KHDRBS2: variants seen among roughly 807,000 people sequenced by gnomAD.
KHDRBS2 encodes KH domain-containing, RNA-binding, signal transduction-associated protein 2.
Under a neutral mutation model 44.3 loss-of-function variants are expected in KHDRBS2, and 26 were observed. The ratio of observed to expected loss-of-function variants is 0.59; its 90% CI spans 0.43 to 0.81. KHDRBS2 has a LOEUF of 0.81. KHDRBS2 is among the 40% of genes least tolerant of loss of function. KHDRBS2 has a pLI of 0.00. For synonymous variants in KHDRBS2, 194 were observed against 151.1 expected (o/e 1.28, Z -2.08); for missense variants, 476 against 433.1 (o/e 1.10, Z -0.88).
chr6:62,169,365 A>G (rs1819548219), intron 2 of KHDRBS2, among the ~76,000 whole-genome samples: 1 of 151,728 alleles, frequency 6.6e-6, no homozygotes, highest in South Asian at 2.1e-4. Flanking sequence ...ATATTGACAA[A>G]TGTTGCCTTT....
the KHDRBS2 span, among the ~76,000 whole-genome samples, chr6:61,616,497 AT>A: frequency 1.4e-5 from 2 of 140,148 alleles, no homozygotes; most frequent in South Asian, 2.2e-4. Context: ...ATATATATAT[AT>A]AATGCTATTG....
At chr6:61,741,730 G>C (rs1776165454) in intron 6 of KHDRBS2, among the ~76,000 whole-genome samples, 1 of 151,904 alleles carries the variant, frequency 6.6e-6, no homozygotes, top group East Asian at 1.9e-4. Context: ...CTGTGAAATT[G>C]ACATGTTTTT....
chr6:62,018,458 C>G (rs1781649448), intron 3 of KHDRBS2, among the ~76,000 whole-genome samples: 1 of 152,070 alleles, frequency 6.6e-6, no homozygotes, highest in South Asian at 2.1e-4. Context: ...CGCCATTCTC[C>G]TGTCTCAGCC....
At chr6:61,546,437 A>G in the KHDRBS2 span, among the ~76,000 whole-genome samples, 1 of 152,070 alleles carries the variant, frequency 6.6e-6, no homozygotes, top group African/African-American at 2.4e-5. Context: ...GTTCTTGGAA[A>G]CTGTGACTTC....
At chr6:62,114,352 G>A (rs1289684077) in intron 2 of KHDRBS2, among the ~76,000 whole-genome samples, 1 of 152,084 alleles carries the variant, frequency 6.6e-6, no homozygotes, top group Non-Finnish European at 1.5e-5. Context: ...TGTGAGTTGT[G>A]ACCTGAGTAA....
chr6:61,771,674 C>T (rs537455819), intron 6 of KHDRBS2, among the ~76,000 whole-genome samples: 1 of 152,254 alleles, frequency 6.6e-6, no homozygotes, highest in East Asian at 1.9e-4. Context: ...CAGGAGCACC[C>T]AGATTCATAA....
chr6:61,936,999 A>G (rs1467108755), intron 4 of KHDRBS2, among the ~76,000 whole-genome samples: 1 of 151,964 alleles, frequency 6.6e-6, no homozygotes, highest in Non-Finnish European at 1.5e-5. Flanking sequence ...TTTTTTATAA[A>G]ATATGTTTTC....
chr6:61,925,619 G>A (rs1808807867), intron 4 of KHDRBS2, among the ~76,000 whole-genome samples: 1 of 151,894 alleles, frequency 6.6e-6, no homozygotes, highest in African/African-American at 2.4e-5. Flanking sequence ...CTTCTAGGGA[G>A]GCTGAAGTGG....
At chr6:61,954,374 T>TA (rs1765512183) in intron 4 of KHDRBS2, among the ~76,000 whole-genome samples, 3 of 56,336 alleles carry the variant, frequency 5.3e-5, no homozygotes, top group African/African-American at 8.8e-5. Flanking sequence ...TATATACGTA[T>TA]GTATGCATGC....
chr6:62,065,914 A>G (rs1432967097), intron 2 of KHDRBS2, among the ~76,000 whole-genome samples: 1 of 151,786 alleles, frequency 6.6e-6, no homozygotes, highest in Non-Finnish European at 1.5e-5. Context: ...TCTGCTATAA[A>G]TAATTATTTA....
the KHDRBS2 span, among the ~76,000 whole-genome samples, chr6:61,569,281 C>T: frequency 6.6e-6 from 1 of 152,162 alleles, no homozygotes; most frequent in Admixed American, 6.5e-5. Flanking sequence ...TAATCTTGAC[C>T]CCAGCTGATG....
At position 62,239,676 on chromosome 6, in the gene KHDRBS2, C is replaced by CTATT. The variant is rs929489438; in HGVS notation, c.91+46178_91+46181dup. Among the ~76,000 whole-genome samples, 760 of 151,986 alleles carry CTATT rather than the reference C, an allele frequency of 5.0e-3. 14 individuals carry two copies. In the South Asian group the frequency reaches 0.062, roughly 12 times the overall value. ...AGATGACAGGTGTATATTTCTTAAA[C>CTATT]TATTTATTTATTTATTTATTTATTT... On this transcript the variant is annotated intron_variant, in intron 1 of 8. Transcript: ENST00000281156.
chr6:61,651,878 A>C, the KHDRBS2 span, among the ~76,000 whole-genome samples: 2 of 152,144 alleles, frequency 1.3e-5, no homozygotes, highest in East Asian at 3.9e-4. Flanking sequence ...AGGAATGCCC[A>C]ATTAGCTTTT....
At chr6:61,966,232 T>G (rs1337973004) in intron 4 of KHDRBS2, among the ~76,000 whole-genome samples, 2 of 152,078 alleles carry the variant, frequency 1.3e-5, no homozygotes, top group Middle Eastern at 3.2e-3. Context: ...AACATTCATT[T>G]AAGAAGATAA....
the KHDRBS2 span, among the ~76,000 whole-genome samples, chr6:61,657,505 T>C: frequency 1.3e-5 from 2 of 151,926 alleles, no homozygotes; most frequent in Non-Finnish European, 2.9e-5. Context: ...ATATGCAACA[T>C]AAGCAAAATA....
chr6:62,254,432 T>C (rs1837042706), intron 1 of KHDRBS2, among the ~76,000 whole-genome samples: 1 of 151,978 alleles, frequency 6.6e-6, no homozygotes, highest in Non-Finnish European at 1.5e-5. Flanking sequence ...AAAGCAAATA[T>C]GATTATGAGA....
chr6:61,576,095 CAAAACA>C, the KHDRBS2 span, among the ~76,000 whole-genome samples: 8 of 23,078 alleles, frequency 3.5e-4, no homozygotes, highest in Non-Finnish European at 7.0e-4. Flanking sequence ...TCCCCCAAAA[CAAAACA>C]AAACAAAAAT....
chr6:62,098,765 C>A (rs1285095204), intron 2 of KHDRBS2, among the ~76,000 whole-genome samples: 1 of 152,074 alleles, frequency 6.6e-6, no homozygotes, highest in Non-Finnish European at 1.5e-5. Context: ...CCACTTAAAC[C>A]CAGAAAACAT....
At chr6:61,624,858 A>G in the KHDRBS2 span, among the ~76,000 whole-genome samples, 4 of 152,182 alleles carry the variant, frequency 2.6e-5, no homozygotes, top group African/African-American at 7.2e-5. Flanking sequence ...ATTAGTTCTA[A>G]TGACCCACTT....
Sources: gnomAD v4.1 joint callset for allele counts (sites outside exome capture counted in the v4.1 genomes callset) on GRCh38, gnomAD v4.1.1 for gene constraint, MANE v1.5 for transcripts, NCBI Gene and HGNC (gene_info 2026-07-23, HGNC 2026-07-21) for gene names.